Variants in ADCY8 observed in about 807,000 individuals in gnomAD.
The protein encoded by ADCY8 is adenylate cyclase 8.
A neutral mutation model predicts 119.7 loss-of-function variants in ADCY8; 51 were observed. That is an observed-to-expected ratio of 0.43 (90% confidence interval 0.34 to 0.54). The LOEUF (loss-of-function observed/expected upper bound fraction) is 0.54, where lower values mean the gene tolerates loss of function less well. Ranked by LOEUF, ADCY8 falls within the 20% of genes least tolerant of loss-of-function variation. The pLI is 0.03. For missense variants in ADCY8, 1,383 were observed against 1,598.8 expected, an observed-to-expected ratio of 0.87 and a Z score of 2.30; for synonymous variants, 665 against 651.0, an observed-to-expected ratio of 1.02 and a Z score of -0.33.
intron 12 of ADCY8, among the ~76,000 whole-genome samples, chr8:130,824,671 C>A (rs1393911943): frequency 6.6e-6 from 1 of 152,212 alleles, no homozygotes; most frequent in Non-Finnish European, 1.5e-5. Context: ...TGGATTATTT[C>A]CTGGTTGTTC....
chr8:130,955,755 A>G (rs1821407209), intron 2 of ADCY8, among the ~76,000 whole-genome samples: 1 of 152,202 alleles, frequency 6.6e-6, no homozygotes, highest in Non-Finnish European at 1.5e-5. Flanking sequence ...TGTGGAACTC[A>G]GCTACTTTTC....
At chr8:130,977,391 A>T (rs1586623762) in intron 2 of ADCY8, among the ~76,000 whole-genome samples, 2 of 152,160 alleles carry the variant, frequency 1.3e-5, no homozygotes, top group African/African-American at 4.8e-5. Context: ...TTTTTGAATC[A>T]TCCATAAGGT....
chr8:130,901,588 A>T (rs1819605363), intron 7 of ADCY8, among the ~76,000 whole-genome samples: 1 of 152,200 alleles, frequency 6.6e-6, no homozygotes, highest in Non-Finnish European at 1.5e-5. Context: ...GATCTCTTCC[A>T]GGGACAAATT....
At chr8:130,979,215 A>C (rs757962085) in intron 2 of ADCY8, among the ~76,000 whole-genome samples, 2 of 152,214 alleles carry the variant, frequency 1.3e-5, no homozygotes, top group Non-Finnish European at 2.9e-5. Context: ...CAGTCTAGTC[A>C]GGACATATCA....
intron 5 of ADCY8, among the ~76,000 whole-genome samples, chr8:130,933,878 T>C (rs1452998571): frequency 1.3e-5 from 2 of 152,260 alleles, no homozygotes; most frequent in Middle Eastern, 3.2e-3. Flanking sequence ...TAGAAAGTTT[T>C]GCTGCTTAAA....
intron 6 of ADCY8, among the ~76,000 whole-genome samples, chr8:130,909,058 A>G (rs189541301): frequency 5.3e-5 from 8 of 151,626 alleles, no homozygotes; most frequent in African/African-American, 1.7e-4. Flanking sequence ...CCATCCATCC[A>G]TCCATCATCT....
chr8:130,931,906 T>C (rs1820640695), intron 5 of ADCY8, among the ~76,000 whole-genome samples: 1 of 152,214 alleles, frequency 6.6e-6, no homozygotes. Context: ...ATAGTTATTT[T>C]GAAATATTTG....
At chr8:131,019,797 TTC>T (rs61010907) in intron 1 of ADCY8, among the ~76,000 whole-genome samples, 13,480 of 103,800 alleles carry the variant, frequency 0.13, 1,264 homozygotes, top group East Asian at 0.25. Flanking sequence ...ATGGAACAAA[TTC>T]TCTCTCTCTC....
At chr8:130,829,796 T>C (rs192911023) in intron 12 of ADCY8, among the ~76,000 whole-genome samples, 23 of 152,346 alleles carry the variant, frequency 1.5e-4, no homozygotes, top group Admixed American at 1.2e-3. Context: ...CCAAATCCAA[T>C]GCCACTTATC....
chr8:131,016,881 G>A (rs750930738), intron 1 of ADCY8, among the ~76,000 whole-genome samples: 61 of 152,154 alleles, frequency 4.0e-4, no homozygotes, highest in South Asian at 6.2e-4. Flanking sequence ...TGGCCCATCT[G>A]CTAAAATTGA....
chr8:130,922,208 CTT>C (rs751799584), intron 5 of ADCY8, among the ~76,000 whole-genome samples: 48 of 128,952 alleles, frequency 3.7e-4, no homozygotes, highest in Admixed American at 3.2e-4. Context: ...AATTCCCTTT[CTT>C]TTTTTTTTTT....
chr8:130,800,500 A>G lies in ADCY8; in HGVS notation c.2986T>C (p.Ser996Pro). 2.5e-6 allele frequency: 4 copies of G among 1,614,184 alleles called. No homozygotes were observed. Among genetic ancestry groups the G allele is most frequent in the Non-Finnish European group, 3.4e-6 (4 of 1,180,020 alleles). ...ASIPGFADFY[S>P]QTEMNNQGVE... is the part of the protein sequence containing the mutation. Reference sequence around the variant, plus strand: ...CCCTGGTTATTCATTTCAGTCTGAGAGTAAAAGTCCGCAAATCCTGGGATG... The same window carrying G: ...CCCTGGTTATTCATTTCAGTCTGAGGGTAAAAGTCCGCAAATCCTGGGATG... Residue 996 changes from serine (S) to proline (P), a missense_variant, in exon 15 of 18, where the codon TCT becomes CCT. Physicochemically the swap from Ser to Pro is moderately conservative, Grantham distance 74. Transcript: ENST00000286355.
At chr8:130,970,189 G>A (rs1279095889) in intron 2 of ADCY8, among the ~76,000 whole-genome samples, 1 of 152,148 alleles carries the variant, frequency 6.6e-6, no homozygotes, top group Admixed American at 6.5e-5. Context: ...TCCACGGCCT[G>A]TTAGGAACTG....
chr8:131,036,615 A>T (rs953261594), intron 1 of ADCY8, among the ~76,000 whole-genome samples: 2 of 152,186 alleles, frequency 1.3e-5, no homozygotes, highest in Non-Finnish European at 1.5e-5. Flanking sequence ...ATAAACAAAT[A>T]AGATAATTTC....
chr8:130,835,136 G>A (rs1816946873), intron 12 of ADCY8, among the ~76,000 whole-genome samples: 2 of 151,960 alleles, frequency 1.3e-5, no homozygotes, highest in African/African-American at 4.8e-5. Flanking sequence ...ACTTATTCTG[G>A]CCTCAGCTAG....
intron 15 of ADCY8, among the ~76,000 whole-genome samples, chr8:130,799,060 C>A (rs1815682310): frequency 6.6e-6 from 1 of 151,950 alleles, no homozygotes; most frequent in South Asian, 2.1e-4. Flanking sequence ...CATATGACAT[C>A]ACTTATACGT....
intron 14 of ADCY8, among the ~76,000 whole-genome samples, chr8:130,809,189 A>G (rs1197796589): frequency 2.6e-5 from 4 of 152,232 alleles, no homozygotes; most frequent in Admixed American, 2.6e-4. Context: ...CCTTCTCTGC[A>G]TGTACTTACA....
rs141266550 is a variant in ADCY8, at chr8:130,849,070, C to T, written c.2412+532G>A. On this transcript the variant is annotated intron_variant, in intron 10 of 17. Coordinates refer to ENST00000286355, the MANE Select transcript of ADCY8 (RefSeq NM_001115.3). ...AGCTATTTCATTTCCATTTCCCCCA[C>T]CCCACTCCCACTCCCAGAGATACAA... Among the ~76,000 whole-genome samples the T allele has an allele frequency of 3.1e-3, 475 of 152,248 alleles. 3 individuals are homozygous for T. The highest frequency in any genetic ancestry group is 0.016 in the South Asian group (75 of 4,818).
In ADCY8 at chr8:130,943,055, C is replaced by T. The variant is rs77396111; in HGVS notation, c.1353+296G>A. ...GCTGCAGCTGGATGGCACCTGGCCA[C>T]GTGCAAGGGGAAGCAATGATAGGGG... On this transcript the variant is annotated intron_variant, in intron 4 of 17. Transcript: ENST00000286355. Among the ~76,000 whole-genome samples, 105 of 152,242 alleles carry T rather than the reference C, an allele frequency of 6.9e-4. No homozygotes were observed. The South Asian group carries it at 0.015, about 22-fold the overall frequency.
Sources: gnomAD v4.1 joint callset for allele counts (sites outside exome capture counted in the v4.1 genomes callset) on GRCh38, gnomAD v4.1.1 for gene constraint, MANE v1.5 for transcripts, NCBI Gene and HGNC (gene_info 2026-07-23, HGNC 2026-07-21) for gene names.